ZNF846: variants seen among roughly 807,000 people sequenced by gnomAD.
ZNF846 encodes the protein zinc finger protein 846.
In ZNF846, 15 loss-of-function variants were observed where a neutral mutation model predicts 16.0. That is an observed-to-expected ratio of 0.94 (90% CI 0.63 to 1.45). The LOEUF (loss-of-function observed/expected upper bound fraction) is 1.45. Ranked by LOEUF, ZNF846 falls within the 40% of genes most tolerant of loss-of-function variation. The pLI is 0.00. For synonymous variants in ZNF846, 229 were observed against 212.0 expected (o/e 1.08, Z -0.70); for missense variants, 714 against 622.3 (o/e 1.15, Z -1.57).
At chr19:9,752,075 C>G (rs1399072578), downstream of ZNF846, 1 of 152,116 alleles carries the variant, frequency 6.6e-6, no homozygotes, top group Middle Eastern at 3.2e-3. Flanking sequence ...GCTGGGATTA[C>G]ATGCATGAGT....
rs147719068 is a variant in ZNF846 at position 9,761,612 on chromosome 19, G to A, written c.229+470C>T. ...TGTAATCTTAGCTACTTGGGAGGCT[G>A]AGGCAGGAGAATTGCTTGAACCCAG... On this transcript the variant is annotated intron_variant, in intron 4 of 5. Transcript: ENST00000397902. Among the ~76,000 whole-genome samples, 354 of 151,996 alleles carry A rather than the reference G, an allele frequency of 2.3e-3. 1 individual carries two copies. Among genetic ancestry groups the A allele is most frequent in the Middle Eastern group, 0.014 (4 of 294 alleles).
chr19:9,769,041 A>C (rs1469417474), upstream of ZNF846, among the ~76,000 whole-genome samples: 3 of 152,236 alleles, frequency 2.0e-5, no homozygotes, highest in African/African-American at 7.2e-5. Context: ...CTTCGATTGC[A>C]GACAGCGGGA....
At chr19:9,759,310 C>T (rs2045184533) in intron 5 of ZNF846, among the ~76,000 whole-genome samples, 1 of 149,610 alleles carries the variant, frequency 6.7e-6, no homozygotes, top group Admixed American at 6.7e-5. Context: ...ATTATTTAGA[C>T]TAAATTATGG....
chr19:9,758,499 G>C (rs2045170467), exon 6 of ZNF846: 1 of 1,613,464 alleles, frequency 6.2e-7, no homozygotes, highest in South Asian at 1.1e-5. Context: ...TTTCTCTTGT[G>C]TGTGAGTTTT....
intron 1 of ZNF846, among the ~76,000 whole-genome samples, chr19:9,767,665 G>C (rs1257050841): frequency 6.6e-6 from 1 of 152,064 alleles, no homozygotes; most frequent in African/African-American, 2.4e-5. Flanking sequence ...GGCCAGGCGC[G>C]GTGGCTTATA....
intron 1 of ZNF846, among the ~76,000 whole-genome samples, chr19:9,779,318 G>A (rs533298998): frequency 9.8e-4 from 149 of 152,150 alleles, no homozygotes; most frequent in Non-Finnish European, 1.7e-3. Flanking sequence ...GCCCAGGCTG[G>A]AGTGTAATAA....
At chr19:9,780,321 A>C (rs1193627962) in intron 1 of ZNF846, among the ~76,000 whole-genome samples, 1 of 152,002 alleles carries the variant, frequency 6.6e-6, no homozygotes, top group African/African-American at 2.4e-5. Flanking sequence ...CTCCCGCCCC[A>C]GCCTCCCCAA....
rs186719614 is a variant in ZNF846 at position 9,752,442 on chromosome 19, T to C, written c.632-2A>G. 3.6e-5 allele frequency: 15 copies of C among 412,058 alleles called. No individual in the cohort carries two copies. The Admixed American group carries it at 3.9e-4, about 11-fold the overall frequency. 25.5% of individuals were successfully genotyped at this position (412,058 alleles called of 1,614,324 possible). A position where few individuals can be genotyped will look rare whatever the true frequency, so the allele number is the denominator to read the frequency against. On this transcript the variant is annotated splice_acceptor_variant, in intron 5 of 5. Transcript: ENST00000588267. LOFTEE classifies it high-confidence loss of function. ...GGACAACATGATGAAACTTCGTCTC[T>C]ACAAAAAAAAAAAATACACAAAATT...
At chr19:9,758,841 A>T in intron 5 of ZNF846, 77 bp from the exon 6 acceptor site, 2 of 1,108,566 alleles carry the variant, frequency 1.8e-6, no homozygotes, top group East Asian at 4.8e-5. Context: ...ATCACAACAT[A>T]TATGCATTGG....
chr19:9,762,082 C>A lies in ZNF846; in HGVS notation c.229G>T (p.Glu77Ter), dbSNP rs1015130672. 1 of 1,613,306 alleles carries A rather than the reference C, an allele frequency of 6.2e-7. No individual in the cohort carries two copies. The highest frequency in any genetic ancestry group is 8.5e-7 in the Non-Finnish European group (1 of 1,179,388). ...ATACCACATCTGCTTATGAACTCAC[C>A]CTGCAGAACTCCTGTCACTCCTGTC... is the stretch of plus-strand genomic sequence containing the variant. The change falls in exon 4 of 6, where the codon GAA (glutamate) becomes TAA (stop). Residue 77 changes from glutamate (E) to a stop codon, truncating the protein, a stop_gained and splice_region_variant. Coordinates refer to ENST00000397902, the Ensembl canonical transcript of ZNF846. LOFTEE classifies it high-confidence loss of function.
intron 1 of ZNF846, among the ~76,000 whole-genome samples, chr19:9,767,062 G>A (rs2045327755): frequency 6.6e-6 from 1 of 151,514 alleles, no homozygotes; most frequent in African/African-American, 2.4e-5. Context: ...CATAGCTTCA[G>A]TGGCTCCTCC....
intron 2 of ZNF846, 166 bp from the exon 3 acceptor site, chr19:9,763,574 G>T: frequency 2.0e-6 from 1 of 493,886 alleles, no homozygotes; most frequent in Non-Finnish European, 3.5e-6. Context: ...CAATCCCATG[G>T]ACTTATCAGC....
At chr19:9,762,686 C>T (rs2045249429) in intron 3 of ZNF846, among the ~76,000 whole-genome samples, 1 of 152,308 alleles carries the variant, frequency 6.6e-6, no homozygotes, top group Non-Finnish European at 1.5e-5. Flanking sequence ...GGTGTCCAAT[C>T]TTTTGGCTTC....
Position 9,784,104 on chromosome 19 carries a change from C to T in ZNF846, c.-86+1834G>A, listed in dbSNP as rs376263165. Among the ~76,000 whole-genome samples, 31 of 151,880 alleles carry T rather than the reference C, an allele frequency of 2.0e-4. No individual in the cohort carries two copies. In the East Asian group the frequency reaches 4.8e-3, roughly 24 times the overall value. On this transcript the variant is annotated intron_variant, in intron 1 of 4. Coordinates refer to the ZNF846 transcript ENST00000586814. ...CCCCTCCACACCTGTTGGTATTTCTCGCAAGGTGGAGACAAGAGACTGAGA... is the reference window on the plus strand; with the variant it reads ...CCCCTCCACACCTGTTGGTATTTCTTGCAAGGTGGAGACAAGAGACTGAGA...
At chr19:9,779,570 A>C (rs2045479839) in intron 1 of ZNF846, among the ~76,000 whole-genome samples, 1 of 142,762 alleles carries the variant, frequency 7.0e-6, no homozygotes, top group Non-Finnish European at 1.5e-5. Flanking sequence ...ACCCCACCAG[A>C]ATTTTTTTTT....
intron 5 of ZNF846, 110 bp from the exon 6 acceptor site, chr19:9,758,874 A>G (rs1020846246): frequency 2.2e-6 from 2 of 913,544 alleles, no homozygotes; most frequent in African/African-American, 1.7e-5. Context: ...ACATTTTAAC[A>G]TATCCATTAT....
At chr19:9,771,430 G>A (rs1256788424), upstream of ZNF846, among the ~76,000 whole-genome samples, 1 of 152,172 alleles carries the variant, frequency 6.6e-6, no homozygotes, top group South Asian at 2.1e-4. Context: ...CACCCACTTC[G>A]GCCTCCCAAA....
chr19:9,780,552 C>T (rs963375984), intron 1 of ZNF846, among the ~76,000 whole-genome samples: 3 of 151,932 alleles, frequency 2.0e-5, no homozygotes, highest in African/African-American at 2.4e-5. Flanking sequence ...CAGGTTCAAG[C>T]GATTCTCCTG....
intron 1 of ZNF846, among the ~76,000 whole-genome samples, chr19:9,766,984 T>C (rs1294212702): frequency 6.7e-6 from 1 of 149,554 alleles, no homozygotes; most frequent in Non-Finnish European, 1.5e-5. Context: ...TTAGTTATGC[T>C]TTTATTTATT....
Sources: allele counts gnomAD v4.1 joint callset (sites outside exome capture counted in the v4.1 genomes callset), GRCh38; gene constraint gnomAD v4.1.1; transcripts MANE v1.5; gene names NCBI Gene and HGNC (gene_info 2026-07-23, HGNC 2026-07-21).